Variants in STRIP2 observed in about 807,000 individuals in gnomAD.
STRIP2 encodes the protein striatin interacting protein 2, also known as striatin-interacting protein 2.
In STRIP2, 84 loss-of-function variants were observed where a neutral mutation model predicts 107.1. The ratio of observed to expected loss-of-function variants is 0.78; its 90% CI spans 0.66 to 0.94. The LOEUF is 0.94. Among genes scored for constraint, STRIP2 ranks in the 40% least tolerant of loss-of-function variants. STRIP2 has a pLI of 0.00. For synonymous variants in STRIP2, 394 were observed against 400.4 expected, an observed-to-expected ratio of 0.98 and a Z score of 0.19; for missense variants, 888 against 1,034.2, an observed-to-expected ratio of 0.86 and a Z score of 1.94.
chr7:129,475,270 A>G (rs1259117551), intron 18 of STRIP2, among the ~76,000 whole-genome samples: 1 of 152,220 alleles, frequency 6.6e-6, no homozygotes, highest in African/African-American at 2.4e-5. Flanking sequence ...TAGGCTGTGC[A>G]AGGAAATGCT....
intron 14 of STRIP2, among the ~76,000 whole-genome samples, chr7:129,463,304 T>G (rs1420168920): frequency 6.6e-6 from 1 of 152,012 alleles, no homozygotes; most frequent in African/African-American, 2.4e-5. Flanking sequence ...CCGAGATAAG[T>G]ACTGTAGTCC....
intron 12 of STRIP2, 90 bp from the exon 13 acceptor site, chr7:129,460,210 AT>A: frequency 8.4e-7 from 1 of 1,190,824 alleles, no homozygotes; most frequent in Non-Finnish European, 1.2e-6. Flanking sequence ...TAAGCAGAAC[AT>A]TTCCTTGCTT....
chr7:129,439,935 G>C, intron 1 of STRIP2, 87 bp from the exon 2 acceptor site: 1 of 1,056,188 alleles, frequency 9.5e-7, no homozygotes, highest in Admixed American at 1.8e-5. Flanking sequence ...CTCCATGAGG[G>C]GAAGAAGATA....
chr7:129,435,657 C>T (rs1482130979), intron 1 of STRIP2, among the ~76,000 whole-genome samples: 1 of 152,180 alleles, frequency 6.6e-6, no homozygotes, highest in East Asian at 1.9e-4. Flanking sequence ...TTAACACTGC[C>T]TACCTCAGAA....
At chr7:129,454,562 G>T in intron 7 of STRIP2, 35 bp downstream of exon 7, 2 of 1,353,624 alleles carry the variant, frequency 1.5e-6, no homozygotes, top group South Asian at 1.2e-5. Flanking sequence ...TGTGGATGGG[G>T]TGCTAATGGG....
rs371125112 is a variant in STRIP2 at position 129,459,621 on chromosome 7, A to C, written c.1404+41A>C. On this transcript the variant is annotated intron_variant, in intron 12 of 20. Transcript: ENST00000249344. Reference sequence around the variant, plus strand: ...TCTCAGTCTTCAGGGATAGGGAGCCATCAAAGCAGGTCAGATTACCAGGCT... The same window carrying C: ...TCTCAGTCTTCAGGGATAGGGAGCCCTCAAAGCAGGTCAGATTACCAGGCT... The C allele has an allele frequency of 2.6e-6, 4 of 1,555,212 alleles. No homozygotes were observed. In the African/African-American group the frequency reaches 5.4e-5, roughly 21 times the overall value.
intron 3 of STRIP2, among the ~76,000 whole-genome samples, chr7:129,445,810 A>T (rs1185361468): frequency 6.6e-6 from 1 of 152,198 alleles, no homozygotes; most frequent in African/African-American, 2.4e-5. Context: ...TGCTTTGTGG[A>T]ATACCATGAC....
chr7:129,475,569 T>C (rs1584966365), intron 18 of STRIP2, among the ~76,000 whole-genome samples: 1 of 117,142 alleles, frequency 8.5e-6, no homozygotes, highest in Non-Finnish European at 1.9e-5. Context: ...TTTTTTTTTC[T>C]TTTTATTTTT....
chr7:129,436,334 T>G (rs1169416532), intron 1 of STRIP2, among the ~76,000 whole-genome samples: 1 of 152,196 alleles, frequency 6.6e-6, no homozygotes, highest in Non-Finnish European at 1.5e-5. Flanking sequence ...TGGGTCTCCC[T>G]TCTAAAGTTG....
At chr7:129,475,687 T>TA (rs749314004) in intron 18 of STRIP2, among the ~76,000 whole-genome samples, 4 of 149,308 alleles carry the variant, frequency 2.7e-5, no homozygotes, top group Non-Finnish European at 4.5e-5. Context: ...AGGTCTCTGG[T>TA]TTTCCTAGGC....
chr7:129,451,531 C>G (rs1798191871), intron 3 of STRIP2, 82 bp from the exon 4 acceptor site: 1 of 1,517,426 alleles, frequency 6.6e-7, no homozygotes, highest in African/African-American at 1.4e-5. Flanking sequence ...GAGCTGAGAT[C>G]AGAGGTGGAT....
rs547379116 is a variant in STRIP2, at chr7:129,461,554, C to T, written c.1476+1182C>T. The stretch of plus-strand genomic sequence containing the variant: ...GGAGATTATGATATCATCATAAAAG[C>T]TAAGAAAGTCTTTCAAGAAAAAAGG... On this transcript the variant is annotated intron_variant, in intron 13 of 20. Coordinates refer to ENST00000249344, the MANE Select transcript of STRIP2 (RefSeq NM_020704.3). This position sits in a 1 kb window ranked among gnomAD's most constrained non-coding sequence, Gnocchi z 4.0. Among the ~76,000 whole-genome samples, 37 of 146,966 alleles carry T rather than the reference C, an allele frequency of 2.5e-4. No homozygotes were observed. The highest frequency in any genetic ancestry group is 8.5e-4 in the African/African-American group (35 of 41,348).
intron 3 of STRIP2, among the ~76,000 whole-genome samples, chr7:129,450,685 C>T (rs1282866155): frequency 6.6e-6 from 1 of 152,200 alleles, no homozygotes; most frequent in Admixed American, 6.5e-5. Flanking sequence ...GAGGCTCAAA[C>T]AATCCTCCTG....
chr7:129,477,227 G>C (rs866329556), intron 18 of STRIP2, among the ~76,000 whole-genome samples: 3 of 71,992 alleles, frequency 4.2e-5, no homozygotes, highest in Non-Finnish European at 6.3e-5. Flanking sequence ...GGAGACTGTG[G>C]GGAGAGGGAG....
rs753949992 is a variant in STRIP2, at chr7:129,454,461, C to T, written c.640C>T (p.Arg214Cys). 37 of 1,613,916 alleles carry T rather than the reference C, an allele frequency of 2.3e-5. No homozygotes were observed. Among genetic ancestry groups the T allele is most frequent in the African/African-American group, 9.3e-5 (7 of 74,868 alleles). ...SVMYLMVENI[R>C]LERETDPCGW... ...TATGTACCTAATGGTGGAAAATATT[C>T]GCCTGGAGCGAGAGACAGACCCCTG... The change falls in exon 7 of 21, where the codon CGC becomes TGC. Residue 214 changes from arginine (R) to cysteine (C), a missense_variant. By Grantham distance (180) the Arg-to-Cys change is radical. Transcript: ENST00000249344.
chr7:129,472,812 A>T (rs1428161141), intron 18 of STRIP2, among the ~76,000 whole-genome samples: 1 of 92,040 alleles, frequency 1.1e-5, no homozygotes, highest in Admixed American at 1.8e-4. Flanking sequence ...TTTGAGACAG[A>T]GTCTTGTGCT....
chr7:129,464,913 G>C (rs780513389), intron 16 of STRIP2, among the ~76,000 whole-genome samples, 175 bp downstream of exon 16: 1 of 152,106 alleles, frequency 6.6e-6, no homozygotes. Context: ...TTATGGAGTG[G>C]GAACTGTCCT....
At chr7:129,454,570 G>A (rs753186579) in intron 7 of STRIP2, 43 bp downstream of exon 7, 4 of 1,267,002 alleles carry the variant, frequency 3.2e-6, no homozygotes, top group South Asian at 1.2e-5. Context: ...GGGTGCTAAT[G>A]GGAGAGGGGA....
chr7:129,467,220 C>A, intron 16 of STRIP2, 130 bp from the exon 17 acceptor site: 1 of 677,124 alleles, frequency 1.5e-6, no homozygotes. Flanking sequence ...GACAGGAAGA[C>A]TGATAACACA....
Sources: allele counts gnomAD v4.1 joint callset (sites outside exome capture counted in the v4.1 genomes callset), GRCh38; gene constraint gnomAD v4.1.1; non-coding constraint Gnocchi (gnomAD v3.1); transcripts MANE v1.5; gene names NCBI Gene and HGNC (gene_info 2026-07-23, HGNC 2026-07-21).